Variants in ZIM2 observed in about 807,000 individuals in gnomAD.
ZIM2 encodes the protein zinc finger imprinted 2.
In ZIM2, 14 loss-of-function variants were observed where a neutral mutation model predicts 38.6. That is an observed-to-expected ratio of 0.36 (90% confidence interval 0.24 to 0.57). The LOEUF (loss-of-function observed/expected upper bound fraction) is 0.57. ZIM2 is among the 20% of genes least tolerant of loss of function. ZIM2 has a pLI of 0.81. For missense variants in ZIM2, 680 were observed against 695.1 expected (o/e 0.98, Z 0.24); for synonymous variants, 247 against 245.8 (o/e 1.00, Z -0.04).
chr19:56,816,418 C>G, intron 9 of ZIM2: 1 of 1,613,936 alleles, frequency 6.2e-7, no homozygotes, highest in Non-Finnish European at 8.5e-7. Context: ...AGTTTTCTGA[C>G]GCCTTTTAAG....
At chr19:56,839,257 C>G (rs1275483401) in intron 1 of ZIM2, among the ~76,000 whole-genome samples, 1 of 106,174 alleles carries the variant, frequency 9.4e-6, no homozygotes, top group Non-Finnish European at 2.5e-5. Context: ...ACTCCAGCAG[C>G]CCCCATCAAA....
chr19:56,822,623 A>G, intron 6 of ZIM2, 130 bp downstream of exon 6: 1 of 1,311,786 alleles, frequency 7.6e-7, no homozygotes, highest in Non-Finnish European at 1.0e-6. Flanking sequence ...CTTGGACTAA[A>G]CTTTTGGGGA....
At chr19:56,813,815 A>C in intron 9 of ZIM2, 3 of 1,614,148 alleles carry the variant, frequency 1.9e-6, no homozygotes, top group Non-Finnish European at 2.5e-6. Flanking sequence ...ATGTAGCCTG[A>C]GCACTCCCCA....
intron 9 of ZIM2, chr19:56,811,632 C>T (rs1207062016): frequency 1.0e-6 from 1 of 984,312 alleles, no homozygotes; most frequent in Non-Finnish European, 1.2e-6. Flanking sequence ...AAGTAATGTA[C>T]CCACAAAGTT....
intron 12 of ZIM2, 120 bp downstream of exon 12, chr19:56,779,257 T>C (rs1275531134): frequency 4.7e-6 from 4 of 858,114 alleles, no homozygotes; most frequent in African/African-American, 1.7e-5. Flanking sequence ...CCAAGGGGAG[T>C]ACTGAGGAGA....
At chr19:56,833,944 A>T (rs2061822618) in intron 2 of ZIM2, among the ~76,000 whole-genome samples, 2 of 152,142 alleles carry the variant, frequency 1.3e-5, no homozygotes, top group Admixed American at 1.3e-4. Flanking sequence ...TAAGCTTAGC[A>T]CTTACCACAC....
At chr19:56,782,265 G>C (rs1471104555) in intron 10 of ZIM2, 144 bp from the exon 11 acceptor site, 2 of 1,118,052 alleles carry the variant, frequency 1.8e-6, no homozygotes, top group Non-Finnish European at 2.5e-6. Context: ...TCGAGTCTGA[G>C]AGAAGTGGGA....
chr19:56,810,949 A>C, intron 9 of ZIM2: 1 of 970,536 alleles, frequency 1.0e-6, no homozygotes, highest in Non-Finnish European at 1.2e-6. Context: ...AAAAAATTAA[A>C]GTGAAAGTAT....
chr19:56,795,121 C>T (rs1451349777), intron 9 of ZIM2, among the ~76,000 whole-genome samples: 2 of 152,022 alleles, frequency 1.3e-5, no homozygotes, highest in Non-Finnish European at 2.9e-5. Flanking sequence ...GTGGCGCAAT[C>T]TTGGCTCACT....
In ZIM2 at chr19:56,814,025, C is replaced by CA. The variant is rs1180090184; in HGVS notation, c.490+3720dup. 1 of 1,613,232 alleles carries CA rather than the reference C, an allele frequency of 6.2e-7. No homozygotes were observed. The highest frequency in any genetic ancestry group is 8.5e-7 in the Non-Finnish European group (1 of 1,179,348). On this transcript the variant is annotated intron_variant, in intron 9 of 12. Transcript: ENST00000629319. The surrounding 1 kb of genome is among the most constrained non-coding windows in gnomAD (Gnocchi z 5.8). ...TCGTCGGCATCTCCCTCTGGCTCTT[C>CA]AGCTTTTCCCTCTGGCTCTTCAGCT...
At chr19:56,800,030 A>G (rs1015261100) in intron 9 of ZIM2, among the ~76,000 whole-genome samples, 2 of 152,222 alleles carry the variant, frequency 1.3e-5, no homozygotes, top group African/African-American at 4.8e-5. Flanking sequence ...CTAAGGAGAC[A>G]GAGTTGGAGA....
At chr19:56,805,274 CCATTT>C (rs2047703239) in intron 9 of ZIM2, among the ~76,000 whole-genome samples, 3 of 152,140 alleles carry the variant, frequency 2.0e-5, no homozygotes, top group African/African-American at 7.2e-5. Context: ...TCGTTCAATC[CCATTT>C]GAGAACCACA....
At chr19:56,811,976 T>A (rs1208844106) in intron 9 of ZIM2, 4 of 985,222 alleles carry the variant, frequency 4.1e-6, no homozygotes, top group Non-Finnish European at 4.8e-6. Flanking sequence ...CTTCCTAAAC[T>A]TTGACACTCC....
At chr19:56,808,304 G>A (rs146759371) in intron 9 of ZIM2, among the ~76,000 whole-genome samples, 54 of 152,216 alleles carry the variant, frequency 3.5e-4, no homozygotes, top group Non-Finnish European at 6.3e-4. Flanking sequence ...CAATTATCAC[G>A]GGGAACCTTC....
intron 12 of ZIM2, among the ~76,000 whole-genome samples, chr19:56,776,187 G>A (rs904099225): frequency 2.0e-5 from 3 of 152,108 alleles, no homozygotes; most frequent in Non-Finnish European, 4.4e-5. Context: ...GGAGGATGGC[G>A]TGTCAAAAAG....
chr19:56,831,459 T>C (rs1259648805), intron 2 of ZIM2, among the ~76,000 whole-genome samples: 1 of 152,206 alleles, frequency 6.6e-6, no homozygotes, highest in African/African-American at 2.4e-5. Flanking sequence ...GGGTTGGCCT[T>C]TGACGTTAGG....
intron 2 of ZIM2, among the ~76,000 whole-genome samples, chr19:56,834,895 G>A (rs1439457715): frequency 6.6e-6 from 1 of 152,158 alleles, no homozygotes. Context: ...GAGACTCTAA[G>A]CCTGGCATGA....
intron 3 of ZIM2, chr19:56,824,739 G>C (rs563301824): frequency 1.5e-6 from 2 of 1,324,190 alleles, no homozygotes; most frequent in Non-Finnish European, 2.1e-6. Flanking sequence ...AGTACTCAGG[G>C]ACCTGTGGAT....
chr19:56,787,278 G>GTTCTGT (rs908409256), intron 10 of ZIM2, among the ~76,000 whole-genome samples: 5 of 151,662 alleles, frequency 3.3e-5, no homozygotes, highest in African/African-American at 9.7e-5. Context: ...ATCTTTTTTG[G>GTTCTGT]TTTTGTTTTT....
Sources: gnomAD v4.1 joint callset for allele counts (sites outside exome capture counted in the v4.1 genomes callset) on GRCh38, gnomAD v4.1.1 for gene constraint, Gnocchi (gnomAD v3.1) non-coding constraint, MANE v1.5 for transcripts, NCBI Gene and HGNC (gene_info 2026-07-23, HGNC 2026-07-21) for gene names.